GRM1: variants seen among roughly 807,000 people sequenced by gnomAD.
GRM1 encodes glutamate metabotropic receptor 1, also known as metabotropic glutamate receptor 1.
GRM1 carries 33 observed loss-of-function variants against 90.9 expected under a neutral mutation model. That is an observed-to-expected ratio of 0.36 (90% CI 0.28 to 0.49). The LOEUF (loss-of-function observed/expected upper bound fraction) is 0.49, where lower values mean the gene tolerates loss of function less well. Among genes scored for constraint, GRM1 ranks in the 20% least tolerant of loss-of-function variants. The probability of loss-of-function intolerance (pLI) is 0.99; values close to 1 mark genes in which losing one functional copy is unlikely to be tolerated. For missense variants in GRM1, 1,190 were observed against 1,534.3 expected (o/e 0.78, Z 3.75); for synonymous variants, 700 against 613.2 (o/e 1.14, Z -2.09).
intron 1 of GRM1, among the ~76,000 whole-genome samples, chr6:146,136,027 G>A (rs1776605132): frequency 6.6e-6 from 1 of 152,058 alleles, no homozygotes. Context: ...GTGACAACAT[G>A]CAAAACTTGT....
At chr6:146,429,169 T>C (rs758845366) in intron 7 of GRM1, among the ~76,000 whole-genome samples, 1 of 152,198 alleles carries the variant, frequency 6.6e-6, no homozygotes, top group Non-Finnish European at 1.5e-5. Flanking sequence ...TAGCTTATGA[T>C]GAAGGTAGAA....
At chr6:146,152,999 CA>C (rs1280507186) in intron 1 of GRM1, among the ~76,000 whole-genome samples, 2 of 152,146 alleles carry the variant, frequency 1.3e-5, no homozygotes, top group African/African-American at 4.8e-5. Context: ...GCCTAAGTGG[CA>C]GAATGGGATT....
intron 7 of GRM1, among the ~76,000 whole-genome samples, chr6:146,425,281 T>G (rs887787401): frequency 5.3e-5 from 8 of 152,218 alleles, no homozygotes; most frequent in African/African-American, 1.9e-4. Context: ...GTAGTGAACA[T>G]CTGTTCCAGA....
At chr6:146,219,693 G>A (rs1018596363) in intron 2 of GRM1, among the ~76,000 whole-genome samples, 1 of 150,790 alleles carries the variant, frequency 6.6e-6, no homozygotes, top group African/African-American at 2.5e-5. Flanking sequence ...GTGTGCATAT[G>A]TATTGGGTAA....
intron 2 of GRM1, among the ~76,000 whole-genome samples, chr6:146,179,879 C>T (rs1016316644): frequency 1.3e-5 from 2 of 151,358 alleles, no homozygotes; most frequent in African/African-American, 4.9e-5. Context: ...GTTTGAAAAA[C>T]TCTTCTTTTC....
At position 146,334,435 on chromosome 6, in the gene GRM1, A is replaced by G. The variant is rs529721230; in HGVS notation, c.1187-17815A>G. On this transcript the variant is annotated intron_variant, in intron 3 of 7. Coordinates refer to ENST00000282753, the MANE Select transcript of GRM1 (RefSeq NM_001278064.2). ...TAATTAAAAAAATTCAAAAATCATAAGAGGCCATCAAATGCTTCTACACAT... is the reference window on the plus strand; with the variant it reads ...TAATTAAAAAAATTCAAAAATCATAGGAGGCCATCAAATGCTTCTACACAT... Among the ~76,000 whole-genome samples, 11 of 152,342 alleles carry G rather than the reference A, an allele frequency of 7.2e-5. 1 individual carries two copies. In the South Asian group the frequency reaches 2.1e-3, roughly 29 times the overall value.
chr6:146,112,264 T>G (rs1775587266), intron 1 of GRM1, among the ~76,000 whole-genome samples: 1 of 151,010 alleles, frequency 6.6e-6, no homozygotes, highest in Non-Finnish European at 1.5e-5. Context: ...TAACATTCAC[T>G]TTTGTATGAT....
At chr6:146,343,208 A>G (rs539768004) in intron 3 of GRM1, among the ~76,000 whole-genome samples, 1 of 152,324 alleles carries the variant, frequency 6.6e-6, no homozygotes, top group African/African-American at 2.4e-5. Context: ...GCCAAAAGAA[A>G]AAGCGACATT....
chr6:146,134,766 TA>T (rs1361187325), intron 1 of GRM1, among the ~76,000 whole-genome samples: 1 of 152,000 alleles, frequency 6.6e-6, no homozygotes, highest in Non-Finnish European at 1.5e-5. Flanking sequence ...CCGTCTCTAC[TA>T]AAAATACAAA....
At chr6:146,344,615 A>G (rs1423850969) in intron 3 of GRM1, among the ~76,000 whole-genome samples, 1 of 152,128 alleles carries the variant, frequency 6.6e-6, no homozygotes, top group Non-Finnish European at 1.5e-5. Flanking sequence ...GGGAATTCTA[A>G]ATTTGACTTT....
chr6:146,372,253 A>G (rs1383211156), intron 5 of GRM1, among the ~76,000 whole-genome samples: 5 of 152,058 alleles, frequency 3.3e-5, no homozygotes, highest in Admixed American at 6.6e-5. Flanking sequence ...TGCCATTTGT[A>G]TGTCTTCTTT....
intron 2 of GRM1, among the ~76,000 whole-genome samples, chr6:146,197,404 A>G (rs1200906700): frequency 1.3e-5 from 2 of 152,246 alleles, no homozygotes; most frequent in Non-Finnish European, 1.5e-5. Flanking sequence ...TGTGGCATTT[A>G]CCAGTTGACT....
chr6:146,221,482 G>A (rs913496199), intron 2 of GRM1, among the ~76,000 whole-genome samples: 2 of 152,152 alleles, frequency 1.3e-5, no homozygotes, highest in South Asian at 2.1e-4. Context: ...TGCTGAGAAT[G>A]ATGGTTTCCA....
chr6:146,369,495 A>G (rs1426708775), intron 5 of GRM1, among the ~76,000 whole-genome samples: 1 of 151,528 alleles, frequency 6.6e-6, no homozygotes, highest in Non-Finnish European at 1.5e-5. Context: ...TTTGCTATAT[A>G]CTGTAGGTTT....
At chr6:146,125,917 A>T (rs1776182831) in intron 1 of GRM1, among the ~76,000 whole-genome samples, 1 of 152,142 alleles carries the variant, frequency 6.6e-6, no homozygotes. Context: ...TGATCAGAGT[A>T]CTATTTGTCT....
At chr6:146,402,841 C>A (rs1262123599) in intron 7 of GRM1, among the ~76,000 whole-genome samples, 1 of 152,166 alleles carries the variant, frequency 6.6e-6, no homozygotes, top group Non-Finnish European at 1.5e-5. Context: ...ATATCTGACA[C>A]AACCAAAGGT....
At chr6:146,358,786 C>G (rs1221105910) in intron 5 of GRM1, among the ~76,000 whole-genome samples, 1 of 152,198 alleles carries the variant, frequency 6.6e-6, no homozygotes, top group East Asian at 1.9e-4. Flanking sequence ...CTTTTGGCAG[C>G]TGAGAAGAGC....
At chr6:146,328,267 A>G (rs1216618421) in intron 3 of GRM1, among the ~76,000 whole-genome samples, 1 of 152,180 alleles carries the variant, frequency 6.6e-6, no homozygotes, top group Admixed American at 6.5e-5. Context: ...TTAAAATAAA[A>G]GTGATACCCA....
chr6:146,374,642 A>C (rs912659727), intron 5 of GRM1, among the ~76,000 whole-genome samples: 1 of 152,026 alleles, frequency 6.6e-6, no homozygotes, highest in African/African-American at 2.4e-5. Context: ...TAGATTTTTA[A>C]AATTTATTGG....
Sources: allele counts gnomAD v4.1 joint callset (sites outside exome capture counted in the v4.1 genomes callset), GRCh38; gene constraint gnomAD v4.1.1; transcripts MANE v1.5; gene names NCBI Gene and HGNC (gene_info 2026-07-23, HGNC 2026-07-21).